The following HS6ST2 variants were observed in gnomAD, a reference collection of about 807,000 sequenced individuals.
HS6ST2 encodes the protein heparan sulfate 6-O-sulfotransferase 2.
HS6ST2 carries 17 observed loss-of-function variants against 33.0 expected under a neutral mutation model. The ratio of observed to expected loss-of-function variants is 0.52; its 90% confidence interval spans 0.35 to 0.77. The LOEUF is 0.77. Ranked by LOEUF, HS6ST2 falls within the 30% of genes least tolerant of loss-of-function variation. The pLI, the probability that HS6ST2 is intolerant of heterozygous loss-of-function variation, is 0.01. For missense variants in HS6ST2, 519 were observed against 551.7 expected, an observed-to-expected ratio of 0.94 and a Z score of 0.59; for synonymous variants, 248 against 237.1, an observed-to-expected ratio of 1.05 and a Z score of -0.42.
At chrX:132,829,199 T>TACAC (rs762265064) in intron 2 of HS6ST2, among the ~76,000 whole-genome samples, 310 of 72,342 alleles carry the variant, frequency 4.3e-3, no homozygotes, top group Middle Eastern at 8.5e-3. Flanking sequence ...TATATATATA[T>TACAC]ACATACTTAT....
At chrX:132,885,844 G>A (rs568417884) in intron 2 of HS6ST2, among the ~76,000 whole-genome samples, 31 of 111,544 alleles carry the variant, frequency 2.8e-4, no homozygotes, top group Admixed American at 2.6e-3. Flanking sequence ...CACAGACATC[G>A]GGGGCTACAC....
intron 2 of HS6ST2, among the ~76,000 whole-genome samples, chrX:132,798,275 T>A (rs921532388): frequency 9.1e-5 from 10 of 110,479 alleles, no homozygotes; most frequent in Admixed American, 8.7e-4. Flanking sequence ...GGAATGCAGA[T>A]CTTCAGATTG....
chrX:132,893,571 G>A (rs1052796515), intron 2 of HS6ST2, among the ~76,000 whole-genome samples: 2 of 111,653 alleles, frequency 1.8e-5, no homozygotes, highest in Non-Finnish European at 3.8e-5. Flanking sequence ...CTAAGGCAAA[G>A]TCTCAGGGTA....
chrX:132,938,976 C>T (rs970688028), intron 2 of HS6ST2, among the ~76,000 whole-genome samples: 2 of 111,669 alleles, frequency 1.8e-5, no homozygotes, highest in African/African-American at 3.3e-5. Context: ...TGGCAAGGGC[C>T]TCAGGAAGCT....
chrX:132,736,332 T>C (rs1217988479), intron 2 of HS6ST2, among the ~76,000 whole-genome samples: 2 of 112,092 alleles, frequency 1.8e-5, no homozygotes, highest in African/African-American at 6.5e-5. Flanking sequence ...GGTCTGATAC[T>C]CAAAGTCTCC....
At chrX:132,680,128 GGGAA>G (rs1249836345) in intron 3 of HS6ST2, among the ~76,000 whole-genome samples, 1 of 108,252 alleles carries the variant, frequency 9.2e-6, no homozygotes, top group African/African-American at 3.4e-5. Flanking sequence ...GTATTGATTG[GGGAA>G]GTGATAAGTG....
intron 2 of HS6ST2, among the ~76,000 whole-genome samples, chrX:132,857,433 G>A (rs1209319845): frequency 9.4e-6 from 1 of 106,649 alleles, no homozygotes; most frequent in African/African-American, 3.4e-5. Context: ...GCAGTGAGCC[G>A]TTATCACGCC....
At chrX:132,939,211 T>C (rs1049868296) in intron 2 of HS6ST2, among the ~76,000 whole-genome samples, 2 of 111,797 alleles carry the variant, frequency 1.8e-5, no homozygotes, top group Admixed American at 9.6e-5. Flanking sequence ...AACATGAGAT[T>C]GTGGGGAACA....
intron 2 of HS6ST2, among the ~76,000 whole-genome samples, chrX:132,944,446 T>G (rs1602914197): frequency 9.0e-6 from 1 of 111,550 alleles, no homozygotes; most frequent in East Asian, 2.8e-4. Flanking sequence ...ATTTATAGAT[T>G]CAATGCCATC....
In HS6ST2 at chrX:132,870,023, G is replaced by T. The variant is rs974804200; in HGVS notation, c.947+86785C>A. Among the ~76,000 whole-genome samples the T allele has an allele frequency of 1.9e-4, 21 of 111,281 alleles. 2 individuals carry two copies. Reference sequence around the variant, plus strand: ...GATTGTATATCTAGAAAACCCCATCGTCTCAGCCCAAAATCTCCTTAAGCT... The same window carrying T: ...GATTGTATATCTAGAAAACCCCATCTTCTCAGCCCAAAATCTCCTTAAGCT... On this transcript the variant is annotated intron_variant, in intron 2 of 4. Transcript: ENST00000370833.
intron 2 of HS6ST2, among the ~76,000 whole-genome samples, chrX:132,853,961 C>T (rs2065828468): frequency 9.0e-6 from 1 of 110,600 alleles, no homozygotes; most frequent in Admixed American, 9.6e-5. Context: ...GAGGTGAAGG[C>T]TGCAGTGAGC....
intron 2 of HS6ST2, among the ~76,000 whole-genome samples, chrX:132,882,456 G>C (rs1057010001): frequency 2.1e-4 from 22 of 105,103 alleles, no homozygotes; most frequent in Non-Finnish European, 3.9e-5. Context: ...GAATGCTTGT[G>C]ATTTTTGCAC....
chrX:132,881,600 T>C (rs1215216232), intron 2 of HS6ST2, among the ~76,000 whole-genome samples: 1 of 111,898 alleles, frequency 8.9e-6, no homozygotes, highest in Non-Finnish European at 1.9e-5. Flanking sequence ...TGGTAGTTTC[T>C]TTTGCTGTGC....
chrX:132,721,367 C>T (rs2064326021), intron 2 of HS6ST2, among the ~76,000 whole-genome samples: 1 of 111,820 alleles, frequency 8.9e-6, no homozygotes, highest in African/African-American at 3.2e-5. Context: ...AATTGAAAAA[C>T]GTCTTGAAAC....
chrX:132,829,338 A>C (rs1232178919), intron 2 of HS6ST2, among the ~76,000 whole-genome samples: 1 of 107,286 alleles, frequency 9.3e-6, no homozygotes, highest in African/African-American at 3.4e-5. Context: ...TATGTGATAT[A>C]TCATATATAA....
chrX:132,734,080 C>T (rs939130703), intron 2 of HS6ST2, among the ~76,000 whole-genome samples: 1 of 99,692 alleles, frequency 1.0e-5, no homozygotes, highest in African/African-American at 3.7e-5. Flanking sequence ...AATGAAAACT[C>T]CATACTAGAT....
At chrX:132,643,787 G>T (rs989557867) in intron 4 of HS6ST2, among the ~76,000 whole-genome samples, 5 of 111,837 alleles carry the variant, frequency 4.5e-5, no homozygotes, top group Non-Finnish European at 9.4e-5. Context: ...CCATAAAAAA[G>T]GACTCAAAGT....
intron 2 of HS6ST2, among the ~76,000 whole-genome samples, chrX:132,740,870 A>G (rs979224572): frequency 9.0e-6 from 1 of 111,620 alleles, no homozygotes; most frequent in African/African-American, 3.3e-5. Flanking sequence ...TGGATCACTG[A>G]TATGCAAGGA....
intron 2 of HS6ST2, among the ~76,000 whole-genome samples, chrX:132,882,359 T>C (rs1232660204): frequency 9.1e-6 from 1 of 109,595 alleles, no homozygotes; most frequent in African/African-American, 3.3e-5. Context: ...TAAGTTGGGT[T>C]CCTAGGTATT....
Sources: gnomAD v4.1 joint callset for allele counts (sites outside exome capture counted in the v4.1 genomes callset) on GRCh38, gnomAD v4.1.1 for gene constraint, MANE v1.5 for transcripts, NCBI Gene and HGNC (gene_info 2026-07-23, HGNC 2026-07-21) for gene names.